The following PCTP variants were observed in gnomAD, a reference collection of about 807,000 sequenced individuals.
The protein encoded by PCTP is phosphatidylcholine transfer protein, also known as START domain-containing protein 2.
Under a neutral mutation model 31.0 loss-of-function variants are expected in PCTP, and 27 were observed. The ratio of observed to expected loss-of-function variants is 0.87; its 90% CI spans 0.64 to 1.20. The LOEUF (loss-of-function observed/expected upper bound fraction) is 1.20, where lower values mean the gene tolerates loss of function less well. PCTP is among the 50% of genes most tolerant of loss of function. The pLI is 0.00. For synonymous variants in PCTP, 108 were observed against 101.2 expected (o/e 1.07, Z -0.40); for missense variants, 287 against 268.2 (o/e 1.07, Z -0.49).
intron 3 of PCTP, among the ~76,000 whole-genome samples, chr17:55,793,281 A>T (rs936156688): frequency 6.6e-6 from 1 of 152,106 alleles, no homozygotes; most frequent in African/African-American, 2.4e-5. Context: ...ACAGTCAGAA[A>T]CACTTGGGGA....
chr17:55,825,954 G>A (rs1905381071), downstream of PCTP, among the ~76,000 whole-genome samples: 1 of 152,224 alleles, frequency 6.6e-6, no homozygotes, highest in Non-Finnish European at 1.5e-5. Context: ...CTTACCTTGT[G>A]TAGATGCTTT....
chr17:55,770,871 C>A, intron 2 of PCTP: 1 of 402,860 alleles, frequency 2.5e-6, no homozygotes, highest in Non-Finnish European at 4.5e-6. Flanking sequence ...AGACATGCAC[C>A]ACCATACCTG....
chr17:55,834,368 A>G (rs1001996716), intron 5 of PCTP, among the ~76,000 whole-genome samples: 9 of 151,772 alleles, frequency 5.9e-5, no homozygotes, highest in African/African-American at 1.9e-4. Context: ...TCCACCCCCA[A>G]CAGGCCTCAG....
At chr17:55,805,200 C>A (rs926449806) in intron 3 of PCTP, among the ~76,000 whole-genome samples, 2 of 152,048 alleles carry the variant, frequency 1.3e-5, no homozygotes, top group Non-Finnish European at 2.9e-5. Flanking sequence ...CTATTTTCCT[C>A]GTTTCTTTTT....
At chr17:55,809,736 T>C (rs1912688612) in intron 3 of PCTP, among the ~76,000 whole-genome samples, 1 of 152,168 alleles carries the variant, frequency 6.6e-6, no homozygotes, top group African/African-American at 2.4e-5. Context: ...TTGGCCCAGA[T>C]GGTCTTGATC....
downstream of PCTP, among the ~76,000 whole-genome samples, chr17:55,847,133 A>G (rs1471080271): frequency 1.3e-5 from 2 of 152,228 alleles, no homozygotes; most frequent in Non-Finnish European, 2.9e-5. Flanking sequence ...TCTGCCCTCT[A>G]GAACAACAAA....
At chr17:55,787,573 T>C (rs1426477526) in exon 3 of PCTP, 1 of 152,156 alleles carries the variant, frequency 6.6e-6, no homozygotes, top group African/African-American at 2.4e-5. Context: ...CAGGCTGGCC[T>C]TGAGCTCCTG....
intron 1 of PCTP, chr17:55,751,469 C>A (rs1243951492): frequency 6.5e-7 from 1 of 1,531,530 alleles, no homozygotes; most frequent in African/African-American, 1.4e-5. Context: ...CACAGGAGTT[C>A]AGCCTCAGGT....
chr17:55,845,415 C>G (rs1371436744), downstream of PCTP, among the ~76,000 whole-genome samples: 3 of 152,186 alleles, frequency 2.0e-5, no homozygotes, highest in Admixed American at 6.5e-5. Flanking sequence ...TCTCCATCCC[C>G]GTTCCCCGCG....
At chr17:55,818,023 T>C (rs1378230103) in intron 3 of PCTP, among the ~76,000 whole-genome samples, 3 of 152,180 alleles carry the variant, frequency 2.0e-5, no homozygotes, top group Non-Finnish European at 4.4e-5. Context: ...GTGAGTACCA[T>C]GATACAGGTA....
exon 3 of PCTP, chr17:55,787,647 A>T (rs1001560898): frequency 2.0e-5 from 3 of 151,636 alleles, no homozygotes; most frequent in Non-Finnish European, 4.4e-5. Flanking sequence ...GAGCCACCAC[A>T]CCCGGCCGTG....
At chr17:55,839,919 CAAAAAAAAA>C (rs57402824) in intron 5 of PCTP, among the ~76,000 whole-genome samples, 1 of 12,506 alleles carries the variant, frequency 8.0e-5, no homozygotes, top group Non-Finnish European at 1.6e-4. Context: ...GACTCAGTCT[CAAAAAAAAA>C]AAAAAAAAAA....
intron 1 of PCTP, among the ~76,000 whole-genome samples, chr17:55,766,468 G>GT (rs1414591213): frequency 1.5e-5 from 2 of 133,914 alleles, no homozygotes; most frequent in Non-Finnish European, 3.0e-5. Context: ...GTGTCCATGT[G>GT]TTCTCATTGT....
intron 3 of PCTP, among the ~76,000 whole-genome samples, chr17:55,804,799 A>C (rs975149532): frequency 6.6e-6 from 1 of 152,168 alleles, no homozygotes; most frequent in Non-Finnish European, 1.5e-5. Context: ...CCACCATGGC[A>C]TGTGTATACT....
At chr17:55,775,492 A>G (rs2960060) in intron 5 of PCTP, 1,016,860 of 1,205,624 alleles carry the variant, frequency 0.84, 436,750 homozygotes, top group East Asian at 0.9. Flanking sequence ...TGGCTCTGCT[A>G]CTGACTGTCT....
intron 2 of PCTP, among the ~76,000 whole-genome samples, chr17:55,787,378 G>C (rs1911783720): frequency 6.6e-6 from 1 of 151,198 alleles, no homozygotes; most frequent in Non-Finnish European, 1.5e-5. Context: ...TTTTGAGATG[G>C]AGTCTTGCTC....
chr17:55,770,851 C>G (rs2144957468), intron 2 of PCTP: 1 of 318,684 alleles, frequency 3.1e-6, no homozygotes, highest in East Asian at 6.3e-5. Context: ...TCCAGAGTAG[C>G]TGGGACTACA....
intron 3 of PCTP, among the ~76,000 whole-genome samples, chr17:55,771,722 G>A (rs1911017616): frequency 6.6e-6 from 1 of 152,098 alleles, no homozygotes. Context: ...TCCCCTCAAT[G>A]TCCTTGTTTA....
chr17:55,772,384 C>T (rs558579108), intron 3 of PCTP, among the ~76,000 whole-genome samples: 39 of 151,896 alleles, frequency 2.6e-4, no homozygotes, highest in Non-Finnish European at 4.6e-4. Flanking sequence ...TGTCAGAGTT[C>T]GAGATCAGCC....
Sources: gnomAD v4.1 joint callset for allele counts (sites outside exome capture counted in the v4.1 genomes callset) on GRCh38, gnomAD v4.1.1 for gene constraint, MANE v1.5 for transcripts, NCBI Gene and HGNC (gene_info 2026-07-23, HGNC 2026-07-21) for gene names.